Variants in ATP9B observed in about 807,000 individuals in gnomAD.
The protein encoded by ATP9B is ATPase phospholipid transporting 9B, also known as probable phospholipid-transporting ATPase IIB.
A neutral mutation model predicts 146.1 loss-of-function variants in ATP9B; 110 were observed. The ratio of observed to expected loss-of-function variants is 0.75; its 90% CI spans 0.65 to 0.88. ATP9B has a LOEUF of 0.88. Among genes scored for constraint, ATP9B ranks in the 40% least tolerant of loss-of-function variants. ATP9B has a pLI of 0.00. For missense variants in ATP9B, 1,499 were observed against 1,496.4 expected, an observed-to-expected ratio of 1.00 and a Z score of -0.03; for synonymous variants, 604 against 569.7, an observed-to-expected ratio of 1.06 and a Z score of -0.86.
At chr18:79,264,163 T>C (rs963420832) in intron 12 of ATP9B, among the ~76,000 whole-genome samples, 1 of 152,188 alleles carries the variant, frequency 6.6e-6, no homozygotes, top group Non-Finnish European at 1.5e-5. Flanking sequence ...TACCAGATAA[T>C]GTTTAACTGT....
intron 2 of ATP9B, among the ~76,000 whole-genome samples, chr18:79,105,088 A>G (rs1425656426): frequency 6.6e-6 from 1 of 152,182 alleles, no homozygotes; most frequent in Non-Finnish European, 1.5e-5. Flanking sequence ...GACCTGAGGT[A>G]TTGTCATGCT....
intron 1 of ATP9B, among the ~76,000 whole-genome samples, chr18:79,080,581 C>T (rs1163655096): frequency 6.6e-6 from 1 of 152,160 alleles, no homozygotes; most frequent in Admixed American, 6.5e-5. Flanking sequence ...GACAATTTGA[C>T]TTCCTCTTTC....
chr18:79,195,251 A>T (rs116178608), intron 9 of ATP9B, among the ~76,000 whole-genome samples: 1 of 102,284 alleles, frequency 9.8e-6, no homozygotes, highest in Non-Finnish European at 1.8e-5. Flanking sequence ...AATAGCTCTT[A>T]TTATTATGAA....
chr18:79,289,137 A>G (rs948439787), intron 13 of ATP9B, among the ~76,000 whole-genome samples: 5 of 152,048 alleles, frequency 3.3e-5, no homozygotes, highest in African/African-American at 1.2e-4. Flanking sequence ...AGTTCTCTGT[A>G]TTTCCTGAAT....
chr18:79,234,543 G>T (rs2095821411), intron 11 of ATP9B, among the ~76,000 whole-genome samples: 1 of 152,036 alleles, frequency 6.6e-6, no homozygotes, highest in Non-Finnish European at 1.5e-5. Context: ...CCACTACAGG[G>T]CATGCTTGCT....
At chr18:79,262,653 G>A (rs1347045417) in intron 12 of ATP9B, among the ~76,000 whole-genome samples, 1 of 152,172 alleles carries the variant, frequency 6.6e-6, no homozygotes, top group Non-Finnish European at 1.5e-5. Flanking sequence ...AGGAAACCTG[G>A]TTAATACTGC....
At chr18:79,101,323 A>G (rs2075268069) in intron 2 of ATP9B, among the ~76,000 whole-genome samples, 1 of 152,106 alleles carries the variant, frequency 6.6e-6, no homozygotes, top group Admixed American at 6.5e-5. Context: ...TGATACTTAA[A>G]AATTGTTCTA....
chr18:79,308,110 T>G (rs1024008785), intron 15 of ATP9B, among the ~76,000 whole-genome samples: 1 of 152,090 alleles, frequency 6.6e-6, no homozygotes. Context: ...CATAATGGAA[T>G]AGAATCTCAG....
intron 13 of ATP9B, 82 bp from the exon 14 acceptor site, chr18:79,303,522 A>T: frequency 9.2e-7 from 1 of 1,089,426 alleles, no homozygotes. Context: ...ATGAATGTGC[A>T]GCATGCCTGC....
chr18:79,100,237 T>C (rs1396024466), intron 2 of ATP9B, among the ~76,000 whole-genome samples: 1 of 152,242 alleles, frequency 6.6e-6, no homozygotes, highest in Non-Finnish European at 1.5e-5. Flanking sequence ...ATAATTTGTA[T>C]TTTTCAGTTG....
intron 13 of ATP9B, among the ~76,000 whole-genome samples, chr18:79,303,371 A>C (rs1044976430): frequency 2.0e-5 from 3 of 152,028 alleles, no homozygotes; most frequent in Non-Finnish European, 2.9e-5. Flanking sequence ...CCAAAAAAAA[A>C]CACACAAAAA....
chr18:79,089,076 A>G (rs1420169792), intron 1 of ATP9B, among the ~76,000 whole-genome samples: 2 of 152,172 alleles, frequency 1.3e-5, no homozygotes, highest in Admixed American at 6.5e-5. Flanking sequence ...TGATGGCATA[A>G]GAATGATGCA....
At position 79,100,125 on chromosome 18, in the gene ATP9B, C is replaced by A. The variant is rs1177154979; in HGVS notation, c.293+3476C>A. Among the ~76,000 whole-genome samples, 3 of 152,082 alleles carry A rather than the reference C, an allele frequency of 2.0e-5. 1 individual carries two copies. Among genetic ancestry groups the A allele is most frequent in the Admixed American group, 2.0e-4 (3 of 15,258 alleles). ...CTGGCAACAGAGTGAGACTCTGTCT[C>A]AAAAAATAAAATAAAAATTTCAGTG... On this transcript the variant is annotated intron_variant, in intron 2 of 29. Transcript: ENST00000426216.
intron 11 of ATP9B, among the ~76,000 whole-genome samples, chr18:79,224,957 C>A (rs2148518108): frequency 6.6e-6 from 1 of 152,342 alleles, no homozygotes; most frequent in East Asian, 1.9e-4. Context: ...TCCCAGGAAC[C>A]ACGACCACAG....
intron 1 of ATP9B, among the ~76,000 whole-genome samples, chr18:79,086,659 A>T (rs1286753196): frequency 6.6e-6 from 1 of 152,090 alleles, no homozygotes; most frequent in Non-Finnish European, 1.5e-5. Flanking sequence ...ATAACATTGG[A>T]TATTGTACCA....
At chr18:79,158,107 T>C (rs183012492) in intron 7 of ATP9B, among the ~76,000 whole-genome samples, 3 of 152,282 alleles carry the variant, frequency 2.0e-5, no homozygotes, top group South Asian at 2.1e-4. Context: ...GATTATTTAC[T>C]TGAGGGTCTT....
chr18:79,265,733 G>A (rs939447963), intron 12 of ATP9B, among the ~76,000 whole-genome samples: 2 of 151,700 alleles, frequency 1.3e-5, no homozygotes, highest in African/African-American at 4.8e-5. Flanking sequence ...TGCTTTTGTT[G>A]CAGTTGCTTT....
intron 12 of ATP9B, among the ~76,000 whole-genome samples, chr18:79,264,688 T>C (rs930519644): frequency 4.0e-5 from 6 of 151,066 alleles, no homozygotes; most frequent in Middle Eastern, 3.2e-3. Flanking sequence ...TTTTTTGATA[T>C]ATATGGTGTG....
intron 13 of ATP9B, chr18:79,277,415 G>A: frequency 4.3e-6 from 2 of 462,324 alleles, no homozygotes; most frequent in South Asian, 5.1e-5. Context: ...TTATCAAAAT[G>A]TTAAGTTCTT....
Sources: allele counts gnomAD v4.1 joint callset (sites outside exome capture counted in the v4.1 genomes callset), GRCh38; gene constraint gnomAD v4.1.1; transcripts MANE v1.5; gene names NCBI Gene and HGNC (gene_info 2026-07-23, HGNC 2026-07-21).